ZNF385D: variants seen among roughly 807,000 people sequenced by gnomAD.
The protein encoded by ZNF385D is zinc finger protein 659.
In ZNF385D, 15 loss-of-function variants were observed where a neutral mutation model predicts 35.8. That is an observed-to-expected ratio of 0.42 (90% CI 0.28 to 0.64). The LOEUF (loss-of-function observed/expected upper bound fraction) is 0.64, where lower values mean the gene tolerates loss of function less well. ZNF385D is among the 30% of genes least tolerant of loss of function. The pLI is 0.23. For synonymous variants in ZNF385D, 212 were observed against 186.8 expected, an observed-to-expected ratio of 1.13 and a Z score of -1.10; for missense variants, 474 against 494.6, an observed-to-expected ratio of 0.96 and a Z score of 0.39.
intron 2 of ZNF385D, among the ~76,000 whole-genome samples, chr3:21,655,554 T>C (rs1418069339): frequency 6.6e-6 from 1 of 152,042 alleles, no homozygotes; most frequent in African/African-American, 2.4e-5. Context: ...ACTGATGTCC[T>C]AGACGCTCTT....
At chr3:22,040,770 G>T (rs562495301) in intron 3 of ZNF385D, among the ~76,000 whole-genome samples, 1 of 152,074 alleles carries the variant, frequency 6.6e-6, no homozygotes, top group African/African-American at 2.4e-5. Flanking sequence ...AAGGCTGATA[G>T]AATCAGAATT....
At chr3:21,945,174 AG>A (rs746803470) in intron 3 of ZNF385D, among the ~76,000 whole-genome samples, 16,721 of 150,260 alleles carry the variant, frequency 0.11, 1,269 homozygotes, top group African/African-American at 0.23. Context: ...ATATATATAT[AG>A]TGAGAGAGAG....
At chr3:22,081,024 T>C (rs1003208440) in intron 3 of ZNF385D, among the ~76,000 whole-genome samples, 2 of 152,218 alleles carry the variant, frequency 1.3e-5, no homozygotes, top group Non-Finnish European at 2.9e-5. Flanking sequence ...TATATGTCTA[T>C]ACACACATGC....
At chr3:21,708,719 G>C (rs1472720754) in intron 1 of ZNF385D, among the ~76,000 whole-genome samples, 1 of 151,640 alleles carries the variant, frequency 6.6e-6, no homozygotes, top group South Asian at 2.1e-4. Context: ...TTTTTATTTT[G>C]TCATCAACTT....
intron 3 of ZNF385D, among the ~76,000 whole-genome samples, chr3:21,541,195 C>A (rs2062166874): frequency 1.3e-5 from 2 of 152,296 alleles, no homozygotes; most frequent in South Asian, 4.1e-4. Context: ...ATGCCTGGTA[C>A]AATTTCATTC....
intron 3 of ZNF385D, among the ~76,000 whole-genome samples, chr3:21,924,033 C>G (rs1208245104): frequency 2.0e-5 from 3 of 152,002 alleles, no homozygotes; most frequent in Non-Finnish European, 2.9e-5. Context: ...TCAAAATTAC[C>G]AAAATTATCC....
At chr3:21,998,348 T>G (rs1695614567) in intron 3 of ZNF385D, among the ~76,000 whole-genome samples, 1 of 152,234 alleles carries the variant, frequency 6.6e-6, no homozygotes, top group African/African-American at 2.4e-5. Context: ...GGCTTGCTCT[T>G]GAATTCTTTC....
Position 21,931,964 on chromosome 3 carries a change from G to A in ZNF385D, c.325+236853C>T, listed in dbSNP as rs907861977. ...ATCACGAGGTCATGAGATCAAGATC[G>A]AGACCATCCTGGCTAACACGGTGAA... On this transcript the variant is annotated intron_variant, in intron 3 of 5. Coordinates refer to the ZNF385D transcript ENST00000494108. 7.9e-5 allele frequency among the ~76,000 whole-genome samples: 12 copies of A among 151,600 alleles called. No homozygotes were observed. In the East Asian group the frequency reaches 9.7e-4, roughly 12 times the overall value.
At chr3:22,016,972 T>G (rs971469238) in intron 3 of ZNF385D, among the ~76,000 whole-genome samples, 1 of 151,078 alleles carries the variant, frequency 6.6e-6, no homozygotes, top group Non-Finnish European at 1.5e-5. Flanking sequence ...ACACACACAC[T>G]TTCTCATTTA....
intron 3 of ZNF385D, among the ~76,000 whole-genome samples, chr3:21,870,218 A>T (rs1372356778): frequency 6.6e-6 from 1 of 152,220 alleles, no homozygotes; most frequent in African/African-American, 2.4e-5. Flanking sequence ...GTCAACAAGC[A>T]TGGCTTGACT....
At chr3:22,286,077 G>A (rs1702007421) in intron 2 of ZNF385D, among the ~76,000 whole-genome samples, 1 of 152,032 alleles carries the variant, frequency 6.6e-6, no homozygotes, top group Non-Finnish European at 1.5e-5. Context: ...GTGGTGTACA[G>A]GTAGCACTTA....
At chr3:22,300,784 GAT>G (rs1233784936) in intron 2 of ZNF385D, among the ~76,000 whole-genome samples, 3 of 151,776 alleles carry the variant, frequency 2.0e-5, no homozygotes, top group African/African-American at 7.3e-5. Context: ...AAAGACAAAA[GAT>G]AAAAGTTGGT....
At chr3:21,867,898 G>A (rs1261926613) in intron 3 of ZNF385D, among the ~76,000 whole-genome samples, 2 of 152,046 alleles carry the variant, frequency 1.3e-5, no homozygotes, top group East Asian at 3.9e-4. Flanking sequence ...CTCAGAAACT[G>A]AACTTTATAT....
At chr3:22,196,324 C>CTT (rs1459037539) in intron 2 of ZNF385D, among the ~76,000 whole-genome samples, 5 of 151,630 alleles carry the variant, frequency 3.3e-5, no homozygotes, top group African/African-American at 4.8e-5. Flanking sequence ...CTTTGTCATT[C>CTT]TTTTACTTCA....
intron 4 of ZNF385D, among the ~76,000 whole-genome samples, chr3:21,484,973 C>T (rs1397301171): frequency 2.0e-5 from 3 of 152,130 alleles, no homozygotes; most frequent in Admixed American, 1.3e-4. Context: ...ACTGAGTCAT[C>T]CTGTAAGTCT....
chr3:21,437,446 T>C (rs2125235029), intron 4 of ZNF385D, among the ~76,000 whole-genome samples: 1 of 152,090 alleles, frequency 6.6e-6, no homozygotes, highest in East Asian at 1.9e-4. Flanking sequence ...AAGTTAAAAA[T>C]ATTCTATGGG....
At chr3:22,085,029 A>G (rs1474746422) in intron 3 of ZNF385D, among the ~76,000 whole-genome samples, 2 of 152,246 alleles carry the variant, frequency 1.3e-5, no homozygotes, top group Non-Finnish European at 1.5e-5. Context: ...GAAACCAATG[A>G]GAACAAAGAC....
intron 2 of ZNF385D, among the ~76,000 whole-genome samples, chr3:22,321,355 CT>C (rs1289082285): frequency 6.6e-6 from 1 of 151,588 alleles, no homozygotes; most frequent in African/African-American, 2.4e-5. Flanking sequence ...TATGTGTGTA[CT>C]TTTTTTAAAA....
chr3:22,206,413 A>C (rs893596755), intron 2 of ZNF385D, among the ~76,000 whole-genome samples: 3 of 152,036 alleles, frequency 2.0e-5, no homozygotes, highest in Non-Finnish European at 4.4e-5. Context: ...CTTAATCTGC[A>C]CTACAGACCA....
Sources: allele counts gnomAD v4.1 joint callset (sites outside exome capture counted in the v4.1 genomes callset), GRCh38; gene constraint gnomAD v4.1.1; transcripts MANE v1.5; gene names NCBI Gene and HGNC (gene_info 2026-07-23, HGNC 2026-07-21).